Variants in SDHC observed in about 807,000 individuals in gnomAD.
SDHC encodes succinate dehydrogenase complex subunit C.
In SDHC, 11 loss-of-function variants were observed where a neutral mutation model predicts 22.6. The observed-to-expected ratio is 0.49, with a 90% CI of 0.31 to 0.81. The LOEUF (loss-of-function observed/expected upper bound fraction) is 0.81. Ranked by LOEUF, SDHC falls within the 30% of genes least tolerant of loss-of-function variation. The pLI, the probability that SDHC is intolerant of heterozygous loss-of-function variation, is 0.05. For missense variants in SDHC, 160 were observed against 212.0 expected (o/e 0.75, Z 1.52); for synonymous variants, 80 against 77.8 (o/e 1.03, Z -0.15).
intron 3 of SDHC, 70 bp from the exon 4 acceptor site, chr1:161,340,524 G>T: frequency 1.5e-6 from 2 of 1,299,258 alleles, no homozygotes. Flanking sequence ...TTATATTTTT[G>T]CCAAGATAGA....
chr1:161,337,529 A>G (rs11265590), intron 3 of SDHC, among the ~76,000 whole-genome samples: 11,926 of 152,256 alleles, frequency 0.078, 528 homozygotes, highest in South Asian at 0.17. Flanking sequence ...GTTCAAGGGT[A>G]GAGGCTAAAT....
chr1:161,334,725 C>G (rs1671407898), intron 3 of SDHC, among the ~76,000 whole-genome samples: 2 of 152,204 alleles, frequency 1.3e-5, no homozygotes, highest in Admixed American at 1.3e-4. Context: ...GGCTCACTCC[C>G]TCTTTATCTT....
chr1:161,350,126 T>C (rs1349485259), intron 4 of SDHC, among the ~76,000 whole-genome samples: 1 of 152,192 alleles, frequency 6.6e-6, no homozygotes, highest in Non-Finnish European at 1.5e-5. Flanking sequence ...GCCAGGCTAG[T>C]CTTGAACTCC....
At chr1:161,358,375 C>T (rs1284462504) in intron 5 of SDHC, among the ~76,000 whole-genome samples, 1 of 151,772 alleles carries the variant, frequency 6.6e-6, no homozygotes, top group African/African-American at 2.4e-5. Flanking sequence ...TCCCAAAGTG[C>T]TGGGATTACA....
intron 2 of SDHC, among the ~76,000 whole-genome samples, chr1:161,327,385 A>G (rs893222777): frequency 6.6e-6 from 1 of 152,154 alleles, no homozygotes. Flanking sequence ...AAGCATAACT[A>G]TAATTATTTT....
At chr1:161,323,956 A>G (rs1670950457) in intron 2 of SDHC, among the ~76,000 whole-genome samples, 1 of 152,102 alleles carries the variant, frequency 6.6e-6, no homozygotes, top group Non-Finnish European at 1.5e-5. Flanking sequence ...TCGGCCTCCC[A>G]AAGTGCTGGG....
At chr1:161,326,575 A>T in intron 2 of SDHC, 1 of 140,272 alleles carries the variant, frequency 7.1e-6, no homozygotes, top group Admixed American at 7.1e-5. Context: ...ATATATATAT[A>T]TATATTAGGT....
intron 3 of SDHC, among the ~76,000 whole-genome samples, chr1:161,329,422 C>T (rs1007199481): frequency 6.6e-6 from 1 of 152,108 alleles, no homozygotes; most frequent in African/African-American, 2.4e-5. Flanking sequence ...ACCCCTACCT[C>T]CTGAGTTCAA....
chr1:161,320,523 T>G (rs1670800358), intron 1 of SDHC, among the ~76,000 whole-genome samples: 1 of 152,162 alleles, frequency 6.6e-6, no homozygotes, highest in African/African-American at 2.4e-5. Flanking sequence ...CACATAGACT[T>G]GGCTTTGAAT....
chr1:161,336,070 T>C (rs539284802), intron 3 of SDHC, among the ~76,000 whole-genome samples: 1 of 152,304 alleles, frequency 6.6e-6, no homozygotes, highest in African/African-American at 2.4e-5. Flanking sequence ...ATAATCCTGT[T>C]TGTAGAAACT....
intron 5 of SDHC, among the ~76,000 whole-genome samples, chr1:161,357,272 A>T (rs971668757): frequency 5.3e-5 from 8 of 151,998 alleles, no homozygotes; most frequent in African/African-American, 1.9e-4. Flanking sequence ...CTCTTGGGGA[A>T]AGCCAGACAA....
At chr1:161,315,528 A>T (rs1370666257) in intron 1 of SDHC, among the ~76,000 whole-genome samples, 1 of 152,064 alleles carries the variant, frequency 6.6e-6, no homozygotes, top group Non-Finnish European at 1.5e-5. Context: ...GAATTCTCTG[A>T]TATATTTTGG....
chr1:161,352,453 T>C (rs1026654777), intron 4 of SDHC, among the ~76,000 whole-genome samples: 10 of 152,144 alleles, frequency 6.6e-5, no homozygotes. Flanking sequence ...AAGAACATAT[T>C]ACCAAGAATG....
At chr1:161,352,849 C>T (rs1349032623) in intron 4 of SDHC, among the ~76,000 whole-genome samples, 5 of 152,072 alleles carry the variant, frequency 3.3e-5, no homozygotes, top group Non-Finnish European at 7.4e-5. Context: ...TGGTGGCACA[C>T]ACCCGTAGTC....
intron 4 of SDHC, among the ~76,000 whole-genome samples, chr1:161,345,273 GC>G (rs1671852385): frequency 6.6e-6 from 1 of 152,102 alleles, no homozygotes; most frequent in Non-Finnish European, 1.5e-5. Flanking sequence ...GCTGCACTGT[GC>G]TTGGTTAGTT....
intron 5 of SDHC, among the ~76,000 whole-genome samples, chr1:161,361,960 G>A (rs1672531300): frequency 6.7e-6 from 1 of 150,296 alleles, no homozygotes; most frequent in Non-Finnish European, 1.5e-5. Flanking sequence ...AACATTCTGA[G>A]AGCAAGTGTT....
intron 4 of SDHC, among the ~76,000 whole-genome samples, chr1:161,351,859 GTTTTC>G (rs1558180494): frequency 6.6e-6 from 1 of 152,170 alleles, no homozygotes; most frequent in Non-Finnish European, 1.5e-5. Flanking sequence ...TCTTTTAGAT[GTTTTC>G]TTTTCATTTG....
chr1:161,360,171 T>G (rs1221246060), intron 5 of SDHC, among the ~76,000 whole-genome samples: 5 of 152,082 alleles, frequency 3.3e-5, no homozygotes, highest in Non-Finnish European at 5.9e-5. Flanking sequence ...TGAAGACTGC[T>G]TTTGCCCCAT....
intron 5 of SDHC, among the ~76,000 whole-genome samples, chr1:161,357,359 A>G (rs142749383): frequency 3.5e-4 from 53 of 152,160 alleles, no homozygotes; most frequent in Non-Finnish European, 6.2e-4. Context: ...CCTCACAGAT[A>G]CTTGCAGGGT....
Sources: gnomAD v4.1 joint callset for allele counts (sites outside exome capture counted in the v4.1 genomes callset) on GRCh38, gnomAD v4.1.1 for gene constraint, MANE v1.5 for transcripts, NCBI Gene and HGNC (gene_info 2026-07-23, HGNC 2026-07-21) for gene names.